Variants in TBL1XR1 observed in about 807,000 individuals in gnomAD.
TBL1XR1 encodes the protein TBL1X/Y related 1, also known as F-box-like/WD repeat-containing protein TBL1XR1.
In TBL1XR1, 5 loss-of-function variants were observed where a neutral mutation model predicts 66.9. That is an observed-to-expected ratio of 0.07 (90% confidence interval 0.04 to 0.16). The LOEUF is 0.16. Ranked by LOEUF, TBL1XR1 falls within the 10% of genes least tolerant of loss-of-function variation. TBL1XR1 has a pLI of 1.00. For synonymous variants in TBL1XR1, 210 were observed against 206.0 expected (o/e 1.02, Z -0.17); for missense variants, 238 against 623.2 (o/e 0.38, Z 6.58).
rs1712907937 is a variant in TBL1XR1, at chr3:177,025,021, A to AC, written c.*476_*477insG. On this transcript the variant is annotated 3_prime_UTR_variant, in exon 16 of 16. Coordinates refer to ENST00000457928, the MANE Select transcript of TBL1XR1 (RefSeq NM_024665.7). ...CATCCATAATCTAAACCAAAAACGA[A>AC]ATTTTAAAGCAAGAACAAACTACTG... The AC allele has an allele frequency of 6.4e-6, 1 of 155,762 alleles. No individual in the cohort carries two copies. The highest frequency in any genetic ancestry group is 2.4e-5 in the African/African-American group (1 of 41,586). The allele number at this position is 155,762 out of a possible 1,614,324, so 9.6% of individuals were successfully genotyped here.
chr3:177,032,743 AAAAAC>A (rs1029419092), intron 14 of TBL1XR1: 4 of 353,602 alleles, frequency 1.1e-5, no homozygotes, highest in African/African-American at 6.3e-5. Flanking sequence ...ACCGTTGGAA[AAAAAC>A]AAAAGAATAC....
intron 1 of TBL1XR1, among the ~76,000 whole-genome samples, chr3:177,135,336 T>TAC (rs1303244327): frequency 3.1e-5 from 2 of 63,926 alleles, no homozygotes; most frequent in Non-Finnish European, 5.8e-5. Context: ...TGTGTGTGTA[T>TAC]ACATATATAT....
intron 3 of TBL1XR1, among the ~76,000 whole-genome samples, chr3:177,055,063 A>C (rs1305604991): frequency 6.6e-6 from 1 of 152,214 alleles, no homozygotes; most frequent in African/African-American, 2.4e-5. Context: ...TAGAATATTA[A>C]TAAACATTTA....
In TBL1XR1 at chr3:177,134,224, G is replaced by A. The variant is rs184585587; in HGVS notation, c.-121-35683C>T. On this transcript the variant is annotated intron_variant, in intron 1 of 15. Transcript: ENST00000457928. ...TTCAATGAACTTCCCCATCTTTCCCGTTTTTTGCTTCAGATAACTAGACTG... is the reference window on the plus strand; with the variant it reads ...TTCAATGAACTTCCCCATCTTTCCCATTTTTTGCTTCAGATAACTAGACTG... Among the ~76,000 whole-genome samples the A allele has an allele frequency of 2.4e-3, 363 of 152,138 alleles. 3 individuals are homozygous for A. The highest frequency in any genetic ancestry group is 7.5e-3 in the Admixed American group (114 of 15,276).
chr3:177,198,842 A>G (rs1737250279), upstream of TBL1XR1, among the ~76,000 whole-genome samples: 2 of 150,942 alleles, frequency 1.3e-5, no homozygotes, highest in Non-Finnish European at 2.9e-5. Context: ...TTTCCTCTCA[A>G]TATCAGAAAC....
intron 1 of TBL1XR1, among the ~76,000 whole-genome samples, chr3:177,175,061 C>A (rs1443339048): frequency 2.6e-5 from 4 of 152,200 alleles, no homozygotes; most frequent in Non-Finnish European, 5.9e-5. Flanking sequence ...CACCTGCCTT[C>A]TTCTCATGTC....
At chr3:177,139,244 G>A (rs1056571922) in intron 1 of TBL1XR1, among the ~76,000 whole-genome samples, 15 of 152,294 alleles carry the variant, frequency 9.8e-5, no homozygotes, top group South Asian at 4.1e-4. Context: ...AGCACTGGCC[G>A]GGTGTGGTGG....
chr3:177,047,946 T>G (rs1356129707), intron 7 of TBL1XR1: 1 of 175,896 alleles, frequency 5.7e-6, no homozygotes, highest in African/African-American at 2.4e-5. Flanking sequence ...CTTTAAAATA[T>G]GATTAGAAGG....
At chr3:177,060,811 T>C (rs1718425714) in intron 3 of TBL1XR1, among the ~76,000 whole-genome samples, 1 of 152,228 alleles carries the variant, frequency 6.6e-6, no homozygotes, top group Admixed American at 6.5e-5. Context: ...CTGCATATGG[T>C]TGCTAGATAA....
chr3:177,157,459 A>G (rs764866213), intron 1 of TBL1XR1, among the ~76,000 whole-genome samples: 5 of 152,224 alleles, frequency 3.3e-5, no homozygotes, highest in Non-Finnish European at 7.3e-5. Flanking sequence ...ATATAATACT[A>G]TAAAATTCTG....
At chr3:177,038,536 C>T (rs1715128066) in intron 10 of TBL1XR1, 102 bp from the exon 11 acceptor site, 7 of 1,131,042 alleles carry the variant, frequency 6.2e-6, no homozygotes, top group East Asian at 2.8e-5. Context: ...TACTAACAGG[C>T]ACTTAAACAT....
At chr3:177,084,498 T>C (rs1225209392) in intron 2 of TBL1XR1, among the ~76,000 whole-genome samples, 1 of 152,264 alleles carries the variant, frequency 6.6e-6, no homozygotes, top group Non-Finnish European at 1.5e-5. Flanking sequence ...CTTGGTTCCT[T>C]CCTATTGCTT....
intron 1 of TBL1XR1, among the ~76,000 whole-genome samples, chr3:177,118,185 A>C (rs1204100532): frequency 6.6e-6 from 1 of 152,232 alleles, no homozygotes; most frequent in Non-Finnish European, 1.5e-5. Flanking sequence ...CGAATATAGA[A>C]GTTCCAGATC....
chr3:177,193,324 T>C (rs1215365451), intron 1 of TBL1XR1, among the ~76,000 whole-genome samples: 4 of 151,950 alleles, frequency 2.6e-5, no homozygotes, highest in Non-Finnish European at 5.9e-5. Context: ...TGTTTGTTTG[T>C]TTTTGAGAGG....
At chr3:177,161,045 A>C (rs1410052934) in intron 1 of TBL1XR1, 1 of 152,162 alleles carries the variant, frequency 6.6e-6, no homozygotes, top group Non-Finnish European at 1.5e-5. Flanking sequence ...ATGTAAAAAA[A>C]TTTATATCAA....
intron 1 of TBL1XR1, among the ~76,000 whole-genome samples, chr3:177,128,396 C>A (rs1727899302): frequency 1.3e-5 from 2 of 152,088 alleles, no homozygotes; most frequent in Non-Finnish European, 2.9e-5. Context: ...TTTTTGGAGA[C>A]AGGGTCTTTC....
In TBL1XR1 at chr3:177,186,879, G is replaced by A. The variant is rs1164719798; in HGVS notation, c.-122+10242C>T. Among the ~76,000 whole-genome samples, 8 of 152,044 alleles carry A rather than the reference G, an allele frequency of 5.3e-5. No individual in the cohort carries two copies. The South Asian group carries it at 1.2e-3, about 24-fold the overall frequency. On this transcript the variant is annotated intron_variant, in intron 1 of 15. Coordinates refer to ENST00000457928, the MANE Select transcript of TBL1XR1 (RefSeq NM_024665.7). ...GGCTGGCAGATCACTTAAAAGTCAG[G>A]AGTTCGGCCAGGCGTGGTGGCTCAC...
chr3:177,106,371 GT>G, intron 1 of TBL1XR1, among the ~76,000 whole-genome samples: 1 of 152,346 alleles, frequency 6.6e-6, no homozygotes, highest in East Asian at 1.9e-4. Context: ...ATGAGCTGAA[GT>G]TTGTTCTACG....
At chr3:177,137,949 G>A (rs1729188742) in intron 1 of TBL1XR1, among the ~76,000 whole-genome samples, 1 of 152,198 alleles carries the variant, frequency 6.6e-6, no homozygotes, top group African/African-American at 2.4e-5. Flanking sequence ...CAAACTGCAT[G>A]ACAGAGCAAG....
Sources: allele counts gnomAD v4.1 joint callset (sites outside exome capture counted in the v4.1 genomes callset), GRCh38; gene constraint gnomAD v4.1.1; transcripts MANE v1.5; gene names NCBI Gene and HGNC (gene_info 2026-07-23, HGNC 2026-07-21).